Variants in ACVR1C observed in about 807,000 individuals in gnomAD.
The protein encoded by ACVR1C is activin receptor type-1C.
ACVR1C carries 23 observed loss-of-function variants against 57.9 expected under a neutral mutation model. The ratio of observed to expected loss-of-function variants is 0.40; its 90% CI spans 0.29 to 0.56. The LOEUF (loss-of-function observed/expected upper bound fraction) is 0.56. Among genes scored for constraint, ACVR1C ranks in the 20% least tolerant of loss-of-function variants. ACVR1C has a pLI of 0.50. For missense variants in ACVR1C, 480 were observed against 607.9 expected, an observed-to-expected ratio of 0.79 and a Z score of 2.21; for synonymous variants, 214 against 215.3, an observed-to-expected ratio of 0.99 and a Z score of 0.05.
intron 1 of ACVR1C, among the ~76,000 whole-genome samples, chr2:157,610,571 T>C (rs1343128088): frequency 6.6e-6 from 1 of 152,194 alleles, no homozygotes; most frequent in African/African-American, 2.4e-5. Context: ...TATTTGAATG[T>C]CTAAATCTCT....
At position 157,529,031 on chromosome 2, in the gene ACVR1C, T is replaced by C. The variant is rs901482141; in HGVS notation, c.*4887A>G. 6.6e-6 allele frequency: 1 copy of C among 151,756 alleles called. No homozygotes were observed. The highest frequency in any genetic ancestry group is 6.6e-5 in the Admixed American group (1 of 15,202). The allele number at this position is 151,756 out of a possible 1,614,324, so 9.4% of individuals were successfully genotyped here. A position where few individuals can be genotyped will look rare whatever the true frequency, so the allele number is the denominator to read the frequency against. On this transcript the variant is annotated 3_prime_UTR_variant, in exon 9 of 9. Transcript: ENST00000243349. Reference sequence around the variant, plus strand: ...CATTTTTTAATGCACTAAAAGAAGATGAATGCCAAAGACAAACTAATGAGA... The same window carrying C: ...CATTTTTTAATGCACTAAAAGAAGACGAATGCCAAAGACAAACTAATGAGA...
chr2:157,626,236 T>C (rs989287240), intron 1 of ACVR1C, among the ~76,000 whole-genome samples: 1 of 152,228 alleles, frequency 6.6e-6, no homozygotes, highest in African/African-American at 2.4e-5. Flanking sequence ...CCCAAAGTAC[T>C]GGGATTAGAG....
intron 7 of ACVR1C, among the ~76,000 whole-genome samples, chr2:157,540,676 A>G (rs1328701536): frequency 1.3e-5 from 2 of 152,150 alleles, no homozygotes; most frequent in African/African-American, 4.8e-5. Flanking sequence ...CCTTTATCCA[A>G]CCCTACAGTA....
intron 6 of ACVR1C, among the ~76,000 whole-genome samples, chr2:157,541,653 TG>T (rs1687627907): frequency 6.6e-6 from 1 of 152,292 alleles, no homozygotes; most frequent in Admixed American, 6.5e-5. Flanking sequence ...GATAATCAGA[TG>T]GGCAAGGTAA....
intron 8 of ACVR1C, among the ~76,000 whole-genome samples, chr2:157,536,494 T>G (rs1042607947): frequency 3.3e-5 from 5 of 152,154 alleles, no homozygotes; most frequent in African/African-American, 1.2e-4. Flanking sequence ...TAGGTAATAG[T>G]GGAATAATAA....
At chr2:157,605,527 T>C (rs892994295) in intron 1 of ACVR1C, among the ~76,000 whole-genome samples, 3 of 151,742 alleles carry the variant, frequency 2.0e-5, no homozygotes, top group Non-Finnish European at 3.0e-5. Context: ...TATAGTACAA[T>C]ACGTCCTCAA....
intron 4 of ACVR1C, among the ~76,000 whole-genome samples, chr2:157,549,183 T>C (rs907053380): frequency 2.0e-5 from 3 of 151,794 alleles, no homozygotes; most frequent in Non-Finnish European, 4.4e-5. Flanking sequence ...GTGAAAACCC[T>C]GTCTCTACTA....
At chr2:157,583,099 G>A (rs1313375376) in intron 2 of ACVR1C, among the ~76,000 whole-genome samples, 1 of 152,032 alleles carries the variant, frequency 6.6e-6, no homozygotes, top group Non-Finnish European at 1.5e-5. Flanking sequence ...AACCTCAAGT[G>A]ATCTGCCCAC....
chr2:157,568,276 A>G (rs2105237840), intron 2 of ACVR1C, among the ~76,000 whole-genome samples: 1 of 111,050 alleles, frequency 9.0e-6, no homozygotes, highest in South Asian at 3.6e-4. Flanking sequence ...TGTAAAGACC[A>G]TTGAGACTAG....
intron 3 of ACVR1C, among the ~76,000 whole-genome samples, chr2:157,554,196 GAAGAGAGA>G (rs1369170206): frequency 1.5e-4 from 3 of 19,612 alleles, no homozygotes; most frequent in Non-Finnish European, 1.7e-4. Context: ...AAAAAATAAA[GAAGAGAGA>G]AAGAAAGAAA....
chr2:157,582,888 C>A (rs2105252427), intron 2 of ACVR1C, among the ~76,000 whole-genome samples: 1 of 152,210 alleles, frequency 6.6e-6, no homozygotes, highest in Admixed American at 6.5e-5. Context: ...TTCTTTCTTT[C>A]TTTTTTTCTG....
chr2:157,587,071 G>C, intron 2 of ACVR1C, 116 bp downstream of exon 2: 1 of 973,696 alleles, frequency 1.0e-6, no homozygotes, highest in Middle Eastern at 2.4e-4. Flanking sequence ...ATCAAAAAGA[G>C]AACTGTAAAA....
intron 1 of ACVR1C, among the ~76,000 whole-genome samples, chr2:157,600,306 G>C (rs993775026): frequency 2.1e-4 from 32 of 152,170 alleles, no homozygotes; most frequent in African/African-American, 7.5e-4. Context: ...GTGATGAAAG[G>C]AGGACATGGC....
intron 2 of ACVR1C, among the ~76,000 whole-genome samples, chr2:157,583,936 CAT>C (rs1325915027): frequency 6.6e-6 from 1 of 152,014 alleles, no homozygotes. Flanking sequence ...CATAAAAACA[CAT>C]ATGAATTTTG....
intron 1 of ACVR1C, among the ~76,000 whole-genome samples, chr2:157,599,009 T>C (rs566356957): frequency 3.4e-4 from 51 of 152,124 alleles, no homozygotes; most frequent in African/African-American, 1.2e-3. Flanking sequence ...TAGTGCTATT[T>C]TTACTCAATA....
chr2:157,564,511 T>G (rs756991416), intron 2 of ACVR1C, among the ~76,000 whole-genome samples: 1 of 152,212 alleles, frequency 6.6e-6, no homozygotes, highest in African/African-American at 2.4e-5. Flanking sequence ...TTGGTAGGAA[T>G]GTAAATTAGC....
intron 1 of ACVR1C, among the ~76,000 whole-genome samples, chr2:157,607,023 T>C (rs559878156): frequency 1.3e-5 from 2 of 152,026 alleles, no homozygotes; most frequent in Non-Finnish European, 2.9e-5. Context: ...TTCATTCTTC[T>C]GCATATAATT....
intron 2 of ACVR1C, among the ~76,000 whole-genome samples, chr2:157,566,840 A>G (rs1364306414): frequency 2.6e-5 from 4 of 152,170 alleles, no homozygotes; most frequent in Non-Finnish European, 4.4e-5. Flanking sequence ...CGGGAAGGGA[A>G]GCTCGAACTG....
At chr2:157,619,008 T>C (rs966334498) in intron 1 of ACVR1C, among the ~76,000 whole-genome samples, 2 of 151,788 alleles carry the variant, frequency 1.3e-5, no homozygotes, top group Admixed American at 6.6e-5. Flanking sequence ...AGAGAATCAG[T>C]AAAGATAGAA....
Sources: gnomAD v4.1 joint callset for allele counts (sites outside exome capture counted in the v4.1 genomes callset) on GRCh38, gnomAD v4.1.1 for gene constraint, MANE v1.5 for transcripts, NCBI Gene and HGNC (gene_info 2026-07-23, HGNC 2026-07-21) for gene names.